Variants in LRRIQ1 observed in about 807,000 individuals in gnomAD.
LRRIQ1 encodes the protein leucine rich repeats and IQ motif containing 1, also known as leucine-rich repeat- and IQ domain-containing protein 1.
A neutral mutation model predicts 211.9 loss-of-function variants in LRRIQ1; 210 were observed. That is an observed-to-expected ratio of 0.99 (90% CI 0.89 to 1.11). The LOEUF (loss-of-function observed/expected upper bound fraction) is 1.11. Among genes scored for constraint, LRRIQ1 ranks in the 50% most tolerant of loss-of-function variants. The probability of loss-of-function intolerance (pLI) is 0.00; values close to 1 mark genes in which losing one functional copy is unlikely to be tolerated. For synonymous variants in LRRIQ1, 699 were observed against 650.1 expected, an observed-to-expected ratio of 1.08 and a Z score of -1.14; for missense variants, 2,136 against 1,939.5, an observed-to-expected ratio of 1.10 and a Z score of -1.90.
At chr12:85,077,525 T>C (rs1339771526) in intron 11 of LRRIQ1, among the ~76,000 whole-genome samples, 3 of 152,196 alleles carry the variant, frequency 2.0e-5, no homozygotes, top group African/African-American at 7.2e-5. Context: ...GGAAGAAATA[T>C]TGGATATTTT....
At chr12:85,103,768 T>C (rs1814324931) in intron 13 of LRRIQ1, among the ~76,000 whole-genome samples, 1 of 151,670 alleles carries the variant, frequency 6.6e-6, no homozygotes, top group Non-Finnish European at 1.5e-5. Flanking sequence ...TTTTACAAAA[T>C]GAATAGAAGT....
chr12:85,143,653 A>G (rs747000537), intron 19 of LRRIQ1, among the ~76,000 whole-genome samples: 1 of 151,596 alleles, frequency 6.6e-6, no homozygotes, highest in Non-Finnish European at 1.5e-5. Flanking sequence ...AGCCTATTAT[A>G]TTCTTATTTT....
intron 24 of LRRIQ1, chr12:85,162,693 T>C: frequency 2.2e-6 from 1 of 448,988 alleles, no homozygotes. Flanking sequence ...AAGTGGCCTA[T>C]AGAATATAAA....
chr12:85,175,005 G>C (rs761923160), intron 24 of LRRIQ1, among the ~76,000 whole-genome samples: 1 of 152,084 alleles, frequency 6.6e-6, no homozygotes, highest in East Asian at 1.9e-4. Flanking sequence ...TTTCCCAACA[G>C]TAGCCTTGGA....
intron 24 of LRRIQ1, among the ~76,000 whole-genome samples, chr12:85,193,769 G>A (rs1592949775): frequency 6.7e-6 from 1 of 149,106 alleles, no homozygotes; most frequent in African/African-American, 2.5e-5. Flanking sequence ...ATCAACTAAC[G>A]AGCAAAATAA....
chr12:85,071,763 G>A (rs1383549183), intron 10 of LRRIQ1, among the ~76,000 whole-genome samples: 2 of 152,026 alleles, frequency 1.3e-5, no homozygotes, highest in Non-Finnish European at 2.9e-5. Context: ...CATGGTGGCA[G>A]GCCAAAGGGC....
intron 1 of LRRIQ1, among the ~76,000 whole-genome samples, chr12:85,254,479 A>G (rs1478198394): frequency 1.3e-5 from 2 of 151,978 alleles, no homozygotes; most frequent in Non-Finnish European, 2.9e-5. Context: ...ATTTACCTTA[A>G]TTTTCTACTG....
At chr12:85,259,724 A>G (rs1000114499) in intron 1 of LRRIQ1, among the ~76,000 whole-genome samples, 4 of 152,146 alleles carry the variant, frequency 2.6e-5, no homozygotes, top group Admixed American at 6.6e-5. Context: ...CAAAACTGCT[A>G]TAAAGCTGTC....
rs770988622 is a variant in LRRIQ1 at position 85,103,989 on chromosome 12, TG to T, written c.3210-14del. ...CAATTTAGAATTTTGATGAAGTTTT[TG>T]TTTTTGTTTTCAGCTTGACTAAAAT... On this transcript the variant is annotated splice_polypyrimidine_tract_variant and intron_variant, in intron 13 of 26. Coordinates refer to ENST00000393217, the MANE Select transcript of LRRIQ1 (RefSeq NM_001079910.2). The T allele has an allele frequency of 7.0e-5, 108 of 1,534,580 alleles. No homozygotes were observed. Among genetic ancestry groups the T allele is most frequent in the Non-Finnish European group, 9.6e-5 (108 of 1,128,328 alleles).
intron 15 of LRRIQ1, 105 bp from the exon 16 acceptor site, chr12:85,121,592 A>G (rs1887987451): frequency 1.3e-5 from 10 of 786,444 alleles, no homozygotes; most frequent in South Asian, 4.6e-5. Flanking sequence ...TTTCTGAGAT[A>G]TATATCCTAT....
At chr12:85,168,843 G>A (rs1338315330) in intron 24 of LRRIQ1, among the ~76,000 whole-genome samples, 1 of 152,148 alleles carries the variant, frequency 6.6e-6, no homozygotes, top group Non-Finnish European at 1.5e-5. Context: ...AATATGGTAA[G>A]ACCAGTGAAT....
At chr12:85,046,313 C>G (rs1455617991) in intron 5 of LRRIQ1, among the ~76,000 whole-genome samples, 176 bp downstream of exon 5, 1 of 152,066 alleles carries the variant, frequency 6.6e-6, no homozygotes, top group Non-Finnish European at 1.5e-5. Context: ...ACTTTTATGC[C>G]TTCTAAATTT....
At chr12:85,155,120 C>T (rs1427393118) in intron 23 of LRRIQ1, among the ~76,000 whole-genome samples, 1 of 151,380 alleles carries the variant, frequency 6.6e-6, no homozygotes, top group African/African-American at 2.4e-5. Context: ...TGATAAGTTA[C>T]TGGTGATTCA....
chr12:85,081,911 A>G (rs528006637), intron 11 of LRRIQ1, among the ~76,000 whole-genome samples: 1 of 151,058 alleles, frequency 6.6e-6, no homozygotes. Context: ...TTAGTAGAGA[A>G]GGGGTTTCAC....
At chr12:85,062,368 T>C (rs1286118803) in intron 8 of LRRIQ1, among the ~76,000 whole-genome samples, 1 of 151,690 alleles carries the variant, frequency 6.6e-6, no homozygotes, top group Non-Finnish European at 1.5e-5. Context: ...CACTTCGTGT[T>C]TTCCCCAGTG....
At chr12:85,182,346 G>C (rs77588093) in intron 24 of LRRIQ1, among the ~76,000 whole-genome samples, 16 of 152,228 alleles carry the variant, frequency 1.1e-4, no homozygotes, top group African/African-American at 3.9e-4. Context: ...CATGACAGAG[G>C]TTGGTAGATT....
intron 26 of LRRIQ1, among the ~76,000 whole-genome samples, chr12:85,236,830 CATAT>C (rs60371759): frequency 4.6e-4 from 50 of 108,774 alleles, no homozygotes; most frequent in Middle Eastern, 4.5e-3. Context: ...TGTATGTGTG[CATAT>C]ATATATATAT....
rs771752698 is a variant in LRRIQ1 at position 85,047,359 on chromosome 12, CAA to C, written c.569_570del (p.Lys190SerfsTer5). On this transcript the variant is annotated frameshift_variant, in exon 6 of 27. Coordinates refer to ENST00000393217, the MANE Select transcript of LRRIQ1 (RefSeq NM_001079910.2). LOFTEE classifies it high-confidence loss of function. ...ELEDKEKQTL[K>X]AQRDREEKQF... Reference sequence around the variant, plus strand: ...TAGAAGATAAAGAGAAACAAACTCTCAAAGCTCAGAGGGATAGAGAAGAAAAA... The same window carrying C: ...TAGAAGATAAAGAGAAACAAACTCTCAGCTCAGAGGGATAGAGAAGAAAAA... The C allele has an allele frequency of 6.2e-7, 1 of 1,600,608 alleles. No homozygotes were observed. The highest frequency in any genetic ancestry group is 1.1e-5 in the South Asian group (1 of 90,736).
At chr12:85,260,956 C>T (rs1483776943) in intron 1 of LRRIQ1, among the ~76,000 whole-genome samples, 2 of 152,186 alleles carry the variant, frequency 1.3e-5, no homozygotes, top group Non-Finnish European at 2.9e-5. Flanking sequence ...TGAAAGAGTT[C>T]TTGCCCTTTC....
Sources: gnomAD v4.1 joint callset for allele counts (sites outside exome capture counted in the v4.1 genomes callset) on GRCh38, gnomAD v4.1.1 for gene constraint, MANE v1.5 for transcripts, NCBI Gene and HGNC (gene_info 2026-07-23, HGNC 2026-07-21) for gene names.